Variants in RAB3GAP2 observed in about 807,000 individuals in gnomAD.
RAB3GAP2 encodes rab3 GTPase-activating protein non-catalytic subunit.
A neutral mutation model predicts 185.3 loss-of-function variants in RAB3GAP2; 87 were observed. The observed-to-expected ratio is 0.47, with a 90% CI of 0.39 to 0.56. The LOEUF is 0.56. Among genes scored for constraint, RAB3GAP2 ranks in the 20% least tolerant of loss-of-function variants. The probability of loss-of-function intolerance (pLI) is 0.00; values close to 1 mark genes in which losing one functional copy is unlikely to be tolerated. For synonymous variants in RAB3GAP2, 554 were observed against 576.1 expected (o/e 0.96, Z 0.55); for missense variants, 1,492 against 1,638.2 (o/e 0.91, Z 1.54).
chr1:220,167,799 C>G, intron 24 of RAB3GAP2, 124 bp from the exon 25 acceptor site: 2 of 1,022,056 alleles, frequency 2.0e-6, no homozygotes, highest in Non-Finnish European at 3.0e-6. Context: ...CTGAAGCTGA[C>G]CCGAAAAAGC....
intron 22 of RAB3GAP2, 70 bp downstream of exon 22, chr1:220,172,567 C>G: frequency 9.9e-7 from 1 of 1,014,086 alleles, no homozygotes; most frequent in Non-Finnish European, 1.6e-6. Context: ...GGGATCCTAT[C>G]CACTCTCCCA....
At chr1:220,232,482 G>C (rs940884405) in intron 2 of RAB3GAP2, among the ~76,000 whole-genome samples, 1 of 152,174 alleles carries the variant, frequency 6.6e-6, no homozygotes, top group Non-Finnish European at 1.5e-5. Flanking sequence ...GCAGCAAGAA[G>C]GCTCTTGCCA....
chr1:220,190,435 C>A lies in RAB3GAP2; in HGVS notation c.1573G>T (p.Val525Phe). 6.2e-7 allele frequency: 1 copy of A among 1,613,962 alleles called. No individual in the cohort carries two copies. Among genetic ancestry groups the A allele is most frequent in the African/African-American group, 1.3e-5 (1 of 75,036 alleles). ...TTCACACTTCCAGACACTGGATCAA[C>A]CAGACAGATCTGATAAGTCTGTGGC... ...WQPQTYQICLVDPVSGSVKTV... is the reference protein window; with the variant it reads ...WQPQTYQICLFDPVSGSVKTV... The change falls in exon 15 of 35, where the codon GTT becomes TTT. Residue 525 changes from valine (V) to phenylalanine (F), a missense_variant. Val to Phe is a conservative substitution (Grantham distance 50). Transcript: ENST00000358951.
intron 7 of RAB3GAP2, among the ~76,000 whole-genome samples, chr1:220,208,916 C>T (rs754070019): frequency 2.0e-5 from 3 of 152,134 alleles, no homozygotes; most frequent in Admixed American, 6.5e-5. Context: ...AGGGTTTCAC[C>T]GTGTTACCCA....
At chr1:220,243,245 T>C (rs1289083940) in intron 1 of RAB3GAP2, among the ~76,000 whole-genome samples, 1 of 151,568 alleles carries the variant, frequency 6.6e-6, no homozygotes, top group African/African-American at 2.4e-5. Context: ...TCCCAGCTGC[T>C]TGGGAGGCTG....
chr1:220,241,698 TAAATTTCATATTAGCATG>T (rs1312114009), intron 1 of RAB3GAP2, among the ~76,000 whole-genome samples: 1 of 151,986 alleles, frequency 6.6e-6, no homozygotes, highest in Non-Finnish European at 1.5e-5. Context: ...AATAGGAAAA[TAAATTTCATATTAGCATG>T]AAATTTCATA....
chr1:220,266,839 G>C, intron 1 of RAB3GAP2: 1 of 1,597,208 alleles, frequency 6.3e-7, no homozygotes, highest in Non-Finnish European at 8.6e-7. Flanking sequence ...GTCTTGAAAT[G>C]AGGTCCCTGG....
intron 29 of RAB3GAP2, among the ~76,000 whole-genome samples, 199 bp downstream of exon 29, chr1:220,159,187 C>A (rs1657915529): frequency 6.6e-6 from 1 of 152,146 alleles, no homozygotes; most frequent in African/African-American, 2.4e-5. Context: ...TGCTATCTAA[C>A]AATCTGGAAA....
chr1:220,203,414 G>A (rs1571898848), intron 8 of RAB3GAP2, among the ~76,000 whole-genome samples: 2 of 152,158 alleles, frequency 1.3e-5, no homozygotes, highest in Admixed American at 1.3e-4. Flanking sequence ...TGACAGTACG[G>A]CCAAGAAAAG....
intron 2 of RAB3GAP2, among the ~76,000 whole-genome samples, chr1:220,216,887 CT>C (rs1001916086): frequency 7.8e-4 from 115 of 147,906 alleles, no homozygotes; most frequent in African/African-American, 2.2e-3. Flanking sequence ...AGTTGCTTTT[CT>C]TTTTTTTTTC....
intron 31 of RAB3GAP2, among the ~76,000 whole-genome samples, chr1:220,155,810 G>A (rs1470167904): frequency 3.3e-5 from 5 of 152,138 alleles, no homozygotes; most frequent in African/African-American, 1.2e-4. Flanking sequence ...TCCAATTCTG[G>A]ATGTGTTCTG....
intron 17 of RAB3GAP2, among the ~76,000 whole-genome samples, chr1:220,186,579 C>A (rs1658512038): frequency 6.6e-6 from 1 of 152,162 alleles, no homozygotes; most frequent in African/African-American, 2.4e-5. Context: ...TGCTCCAGTT[C>A]TGCCTATGAT....
At chr1:220,256,046 C>T (rs999363754) in intron 1 of RAB3GAP2, among the ~76,000 whole-genome samples, 1 of 152,128 alleles carries the variant, frequency 6.6e-6, no homozygotes, top group African/African-American at 2.4e-5. Context: ...GCCAGGTCAC[C>T]TACAAAAGGA....
At position 220,159,409 on chromosome 1, in the gene RAB3GAP2, G is replaced by A. The variant is rs761728648; in HGVS notation, c.3238C>T (p.Pro1080Ser). 1 of 1,603,302 alleles carries A rather than the reference G, an allele frequency of 6.2e-7. No homozygotes were observed. Among genetic ancestry groups the A allele is most frequent in the African/African-American group, 1.3e-5 (1 of 74,632 alleles). Residue 1080 changes from proline (P) to serine (S), a missense_variant, in exon 29 of 35, where the codon CCA (proline) becomes TCA (serine). Around this residue, in one of 5 missense-constraint regions of RAB3GAP2, gnomAD observed 387 missense variants for 455.3 expected, o/e 0.85. Coordinates refer to ENST00000358951, the MANE Select transcript of RAB3GAP2 (RefSeq NM_012414.4). ...ACCCTTCGGCATAACCTATCTTTTG[G>A]TGATTTTCCAACCTAAAATAAAAAG... ...TYLMDKVGKS[P>S]KDRLCRRDVG...
intron 1 of RAB3GAP2, among the ~76,000 whole-genome samples, chr1:220,257,239 G>A (rs1389930536): frequency 2.6e-5 from 4 of 151,946 alleles, no homozygotes; most frequent in Non-Finnish European, 5.9e-5. Flanking sequence ...TTAGCCGGGC[G>A]TGGTGGCACG....
intron 1 of RAB3GAP2, among the ~76,000 whole-genome samples, chr1:220,270,787 T>G (rs1660319601): frequency 6.6e-6 from 1 of 152,224 alleles, no homozygotes; most frequent in Non-Finnish European, 1.5e-5. Flanking sequence ...CAAATGTTGT[T>G]GATTACATTA....
intron 2 of RAB3GAP2, among the ~76,000 whole-genome samples, chr1:220,217,541 G>T (rs1659221811): frequency 6.6e-6 from 1 of 151,858 alleles, no homozygotes; most frequent in African/African-American, 2.4e-5. Context: ...CCTGCTACCT[G>T]TTTATTCTGT....
chr1:220,243,657 A>G (rs1659741905), intron 1 of RAB3GAP2, among the ~76,000 whole-genome samples: 1 of 152,120 alleles, frequency 6.6e-6, no homozygotes, highest in Non-Finnish European at 1.5e-5. Flanking sequence ...TAGTCTTTTG[A>G]ATCTGGTATG....
At chr1:220,246,664 G>A (rs1418724382) in intron 1 of RAB3GAP2, among the ~76,000 whole-genome samples, 4 of 124,446 alleles carry the variant, frequency 3.2e-5, no homozygotes, top group South Asian at 2.9e-4. Flanking sequence ...GTAAACTATC[G>A]CAAGAACAAA....
Sources: gnomAD v4.1 joint callset for allele counts (sites outside exome capture counted in the v4.1 genomes callset) on GRCh38, gnomAD v4.1.1 for gene constraint, gnomAD v4.1.1 regional missense constraint, MANE v1.5 for transcripts, NCBI Gene and HGNC (gene_info 2026-07-23, HGNC 2026-07-21) for gene names.